The following SLC26A8 variants were observed in gnomAD, a reference collection of about 807,000 sequenced individuals.
SLC26A8 encodes solute carrier family 26 member 8, also known as testis anion transporter 1.
SLC26A8 carries 70 observed loss-of-function variants against 105.0 expected under a neutral mutation model. The observed-to-expected ratio is 0.67, with a 90% confidence interval of 0.55 to 0.81. SLC26A8 has a LOEUF of 0.81. Among genes scored for constraint, SLC26A8 ranks in the 40% least tolerant of loss-of-function variants. SLC26A8 has a pLI of 0.00. For missense variants in SLC26A8, 998 were observed against 1,181.8 expected (o/e 0.84, Z 2.28); for synonymous variants, 415 against 438.3 (o/e 0.95, Z 0.66).
intron 7 of SLC26A8, among the ~76,000 whole-genome samples, chr6:35,987,043 C>G (rs377154266): frequency 6.6e-4 from 101 of 152,244 alleles, no homozygotes; most frequent in African/African-American, 2.2e-3. Flanking sequence ...GAAAAACAAG[C>G]CTTTCAGCTT....
Position 35,960,571 on chromosome 6 carries a change from G to A in SLC26A8, c.1638+272C>T. 7.8e-6 allele frequency: 3 copies of A among 384,448 alleles called. No individual in the cohort carries two copies. The South Asian group carries it at 1.5e-4, about 20-fold the overall frequency. 23.8% of individuals were successfully genotyped at this position (384,448 alleles called of 1,614,324 possible). On this transcript the variant is annotated intron_variant, in intron 14 of 19. Coordinates refer to ENST00000490799, the MANE Select transcript of SLC26A8 (RefSeq NM_052961.4). ...CTGGGGAGGCTGAGGCAGGAGAATT[G>A]CTTGAACCTGGCAGGTGGAGGTTGC... is the stretch of plus-strand genomic sequence containing the variant.
chr6:35,960,939 G>T lies in SLC26A8; in HGVS notation c.1569-27C>A, dbSNP rs747134585. On this transcript the variant is annotated intron_variant, in intron 13 of 19. Transcript: ENST00000490799. ...TGAAAGGAAATGCACTTGCCTTTAG[G>T]TCAGAGTTGGCTTACCTTGCCTTGT... The T allele has an allele frequency of 1.1e-5, 18 of 1,614,072 alleles. No individual in the cohort carries two copies. In the South Asian group the frequency reaches 2.0e-4, roughly 18 times the overall value.
chr6:35,990,111 A>T (rs1201038126), intron 7 of SLC26A8, among the ~76,000 whole-genome samples: 1 of 149,888 alleles, frequency 6.7e-6, no homozygotes, highest in African/African-American at 2.5e-5. Flanking sequence ...CTAGTTTTGT[A>T]TTTTTATTAG....
intron 5 of SLC26A8, among the ~76,000 whole-genome samples, chr6:35,997,051 T>G (rs1260542042): frequency 1.3e-5 from 2 of 150,970 alleles, no homozygotes; most frequent in Non-Finnish European, 1.5e-5. Context: ...AAAAAAAGAA[T>G]ATGAAGCAAT....
In SLC26A8 at chr6:35,977,358, T is replaced by C. The variant is rs1437979785; in HGVS notation, c.1026-7A>G. ...TGTTACAGGAAGCAGAAAGCTGGAA[T>C]AGAATAGTGGAATTATTTCTGGATA... is the stretch of plus-strand genomic sequence containing the variant. On this transcript the variant is annotated splice_region_variant and splice_polypyrimidine_tract_variant and intron_variant, in intron 8 of 19. Coordinates refer to ENST00000490799, the MANE Select transcript of SLC26A8 (RefSeq NM_052961.4). 2 of 1,611,870 alleles carry C rather than the reference T, an allele frequency of 1.2e-6. No homozygotes were observed. Among genetic ancestry groups the C allele is most frequent in the Non-Finnish European group, 1.7e-6 (2 of 1,179,236 alleles).
chr6:36,000,565 C>CA (rs1219832366), intron 3 of SLC26A8, among the ~76,000 whole-genome samples: 1 of 152,180 alleles, frequency 6.6e-6, no homozygotes, highest in Admixed American at 6.5e-5. Context: ...TTCCATAGGC[C>CA]AATCACTCCA....
intron 16 of SLC26A8, among the ~76,000 whole-genome samples, chr6:35,958,717 T>TTG (rs142673021): frequency 6.6e-6 from 1 of 151,644 alleles, no homozygotes; most frequent in Non-Finnish European, 1.5e-5. Flanking sequence ...GTGGAGGCAT[T>TTG]TGTGTGTGTG....
At chr6:35,999,542 C>G (rs1195557031) in intron 4 of SLC26A8, among the ~76,000 whole-genome samples, 1 of 152,138 alleles carries the variant, frequency 6.6e-6, no homozygotes, top group Non-Finnish European at 1.5e-5. Context: ...AGTACTTATC[C>G]TATGGATGTC....
At chr6:35,985,740 A>G (rs1322491620) in intron 7 of SLC26A8, among the ~76,000 whole-genome samples, 1 of 145,216 alleles carries the variant, frequency 6.9e-6, no homozygotes, top group Non-Finnish European at 1.5e-5. Flanking sequence ...CTGTCTGTTC[A>G]TGGCTGCTGT....
At chr6:35,966,368 G>A (rs1022128977) in intron 11 of SLC26A8, among the ~76,000 whole-genome samples, 35 of 152,280 alleles carry the variant, frequency 2.3e-4, no homozygotes, top group African/African-American at 7.0e-4. Context: ...GTTTTTGAAA[G>A]GTTTTTGACT....
chr6:35,991,421 A>C (rs968522309), intron 7 of SLC26A8, among the ~76,000 whole-genome samples: 2 of 145,448 alleles, frequency 1.4e-5, no homozygotes, highest in Non-Finnish European at 3.1e-5. Flanking sequence ...AAAAAAAAAA[A>C]CTTGATTTAA....
intron 1 of SLC26A8, among the ~76,000 whole-genome samples, chr6:36,020,839 C>A (rs1021845887): frequency 1.3e-5 from 2 of 152,164 alleles, no homozygotes; most frequent in African/African-American, 4.8e-5. Context: ...GGTAAACCCT[C>A]AAATTATATA....
chr6:35,986,420 T>C (rs917482696), intron 7 of SLC26A8, among the ~76,000 whole-genome samples: 11 of 152,240 alleles, frequency 7.2e-5, no homozygotes, highest in African/African-American at 2.7e-4. Flanking sequence ...CTGTAGTTAC[T>C]ATATTGTACA....
At chr6:36,009,228 G>C (rs1243022511) in intron 3 of SLC26A8, among the ~76,000 whole-genome samples, 1 of 152,144 alleles carries the variant, frequency 6.6e-6, no homozygotes, top group Non-Finnish European at 1.5e-5. Flanking sequence ...GCGTGCGCCT[G>C]TAATCCCAGC....
In SLC26A8 at chr6:35,944,260, T is replaced by C. The variant is rs757294120; in HGVS notation, c.2553A>G (p.Gln851=). Residue 851 remains glutamine, a synonymous_variant, in exon 20 of 20, where the codon CAA becomes CAG. Transcript: ENST00000490799. ...ACTCCGACTCCTCTTCTACAGGCTG[T>C]TGGATCTTGATGAAGCCTGGACTTA... ...KNVSPGFIKI[Q]QPVEEESELD... 5 of 1,614,126 alleles carry C rather than the reference T, an allele frequency of 3.1e-6. No individual in the cohort carries two copies. The South Asian group carries it at 5.5e-5, about 18-fold the overall frequency.
intron 19 of SLC26A8, among the ~76,000 whole-genome samples, chr6:35,945,608 TAGTC>T (rs1332877815): frequency 2.6e-5 from 4 of 152,186 alleles, no homozygotes; most frequent in African/African-American, 9.7e-5. Flanking sequence ...CACATCCACT[TAGTC>T]ATCACCCCAG....
chr6:35,963,006 C>CA (rs1037997508), intron 11 of SLC26A8, among the ~76,000 whole-genome samples: 9 of 152,066 alleles, frequency 5.9e-5, no homozygotes, highest in African/African-American at 2.2e-4. Context: ...CTTAATTTGC[C>CA]AAAAACACAA....
chr6:35,979,034 T>C (rs1010423712), intron 8 of SLC26A8, among the ~76,000 whole-genome samples: 1 of 141,434 alleles, frequency 7.1e-6, no homozygotes, highest in Non-Finnish European at 1.5e-5. Flanking sequence ...TTTTTTTTTT[T>C]AGAAACGGAG....
intron 2 of SLC26A8, 62 bp from the exon 3 acceptor site, chr6:36,012,434 G>GAAAAGGCATTTGGCCCGCATAGCCAAT: frequency 6.6e-7 from 1 of 1,521,256 alleles, no homozygotes; most frequent in Non-Finnish European, 8.8e-7. Context: ...GCATAGCCAA[G>GAAAAGGCATTTGGCCCGCATAGCCAAT]AAAAGGCATT....
Sources: gnomAD v4.1 joint callset for allele counts (sites outside exome capture counted in the v4.1 genomes callset) on GRCh38, gnomAD v4.1.1 for gene constraint, MANE v1.5 for transcripts, NCBI Gene and HGNC (gene_info 2026-07-23, HGNC 2026-07-21) for gene names.